The following DCAF6 variants were observed in gnomAD, a reference collection of about 807,000 sequenced individuals.
The protein encoded by DCAF6 is DDB1 and CUL4 associated factor 6, also known as DDB1- and CUL4-associated factor 6.
In DCAF6, 54 loss-of-function variants were observed where a neutral mutation model predicts 125.1. That is an observed-to-expected ratio of 0.43 (90% CI 0.35 to 0.54). DCAF6 has a LOEUF of 0.54. Ranked by LOEUF, DCAF6 falls within the 20% of genes least tolerant of loss-of-function variation. The pLI is 0.01. For synonymous variants in DCAF6, 371 were observed against 390.4 expected (o/e 0.95, Z 0.58); for missense variants, 934 against 1,161.7 (o/e 0.80, Z 2.85).
rs926019074 is a variant in DCAF6, at chr1:167,993,080, G to A, written c.689-146G>A. ...TTTTGTTACAAAATCTGACTGCAGA[G>A]GAAGAACCTCTACTGGAAATAAACG... On this transcript the variant is annotated intron_variant, in intron 6 of 21. Coordinates refer to ENST00000367840, the MANE Select transcript of DCAF6 (RefSeq NM_001198956.2). The A allele has an allele frequency of 4.7e-5, 34 of 726,768 alleles. No individual in the cohort carries two copies. In the African/African-American group the frequency reaches 5.5e-4, roughly 12 times the overall value. The allele number at this position is 726,768 out of a possible 1,614,324, so 45.0% of individuals were successfully genotyped here. A position where few individuals can be genotyped will look rare whatever the true frequency, so the allele number is the denominator to read the frequency against.
chr1:167,866,093 G>C, the DCAF6 span, among the ~76,000 whole-genome samples: 4 of 152,186 alleles, frequency 2.6e-5, no homozygotes, highest in Non-Finnish European at 5.9e-5. Flanking sequence ...CAATCAGTCA[G>C]CCCTTGTTCA....
At chr1:168,042,010 T>G (rs1202601662) in intron 13 of DCAF6, among the ~76,000 whole-genome samples, 1 of 151,752 alleles carries the variant, frequency 6.6e-6, no homozygotes, top group Non-Finnish European at 1.5e-5. Flanking sequence ...CTTCCTGACA[T>G]TTTTCTCTGC....
the DCAF6 span, chr1:167,901,511 A>C: frequency 1.2e-6 from 1 of 845,396 alleles, no homozygotes. Context: ...GGAAGCCAAA[A>C]TTCACATTCT....
chr1:167,927,901 T>A, the DCAF6 span, among the ~76,000 whole-genome samples: 1 of 152,218 alleles, frequency 6.6e-6, no homozygotes, highest in Admixed American at 6.5e-5. Context: ...AATTTTAGTT[T>A]AACAACTGCT....
intron 7 of DCAF6, among the ~76,000 whole-genome samples, chr1:167,999,234 A>C (rs1048070339): frequency 6.6e-6 from 1 of 152,156 alleles, no homozygotes. Context: ...TGGGCTTCAA[A>C]TAGTCAGTAA....
intron 10 of DCAF6, among the ~76,000 whole-genome samples, chr1:168,008,238 G>A (rs1300743091): frequency 6.6e-6 from 1 of 151,914 alleles, no homozygotes; most frequent in Non-Finnish European, 1.5e-5. Flanking sequence ...CAAAATGCTG[G>A]GATTACAGGC....
At chr1:167,987,018 A>G (rs1202477703) in intron 4 of DCAF6, among the ~76,000 whole-genome samples, 1 of 152,220 alleles carries the variant, frequency 6.6e-6, no homozygotes, top group African/African-American at 2.4e-5. Flanking sequence ...TTGTATAACC[A>G]TTACCACAAT....
chr1:167,873,140 T>TTAGGATTGC, the DCAF6 span, among the ~76,000 whole-genome samples: 3 of 152,112 alleles, frequency 2.0e-5, no homozygotes, highest in Non-Finnish European at 4.4e-5. Flanking sequence ...TGCAATCTTG[T>TTAGGATTGC]AGAAAGAAGG....
chr1:168,051,120 G>T (rs1341483841), intron 17 of DCAF6, among the ~76,000 whole-genome samples, 187 bp downstream of exon 17: 1 of 152,192 alleles, frequency 6.6e-6, no homozygotes, highest in Admixed American at 6.5e-5. Flanking sequence ...ACTGCATGGG[G>T]ATAGAATGAA....
At chr1:167,951,756 A>T in intron 1 of DCAF6, 44 bp from the exon 2 acceptor site, 1 of 1,256,392 alleles carries the variant, frequency 8.0e-7, no homozygotes. Flanking sequence ...TATTTTTCTC[A>T]GTATTTGTGT....
At chr1:167,984,632 A>G (rs1679675915) in intron 4 of DCAF6, among the ~76,000 whole-genome samples, 1 of 152,198 alleles carries the variant, frequency 6.6e-6, no homozygotes, top group Admixed American at 6.5e-5. Context: ...TGCTGACTTG[A>G]TTAGATGGAA....
At chr1:167,924,487 C>G in the DCAF6 span, 2 of 1,590,698 alleles carry the variant, frequency 1.3e-6, no homozygotes, top group Non-Finnish European at 1.7e-6. Flanking sequence ...CGTAAAAACT[C>G]AAGACTTACC....
At chr1:167,937,746 A>G (rs529831750) in intron 1 of DCAF6, among the ~76,000 whole-genome samples, 2 of 149,790 alleles carry the variant, frequency 1.3e-5, no homozygotes, top group South Asian at 4.2e-4. Context: ...TTTGCATAAC[A>G]TTTTTTTTTT....
At chr1:168,053,222 C>G (rs916533932) in intron 17 of DCAF6, among the ~76,000 whole-genome samples, 1 of 152,122 alleles carries the variant, frequency 6.6e-6, no homozygotes. Flanking sequence ...CTACCTATCA[C>G]AGTGCATTGT....
chr1:167,957,991 T>C (rs1269773871), intron 2 of DCAF6, among the ~76,000 whole-genome samples: 1 of 152,124 alleles, frequency 6.6e-6, no homozygotes, highest in Non-Finnish European at 1.5e-5. Flanking sequence ...ATTGGATTGT[T>C]TGTCTTTTTG....
chr1:167,941,262 A>G (rs927854973), intron 1 of DCAF6, among the ~76,000 whole-genome samples: 2 of 152,144 alleles, frequency 1.3e-5, no homozygotes, highest in East Asian at 1.9e-4. Flanking sequence ...ATATACTGAT[A>G]ATTCCTTAAG....
upstream of DCAF6, among the ~76,000 whole-genome samples, chr1:167,931,480 AGTT>A (rs1209970148): frequency 6.6e-6 from 1 of 152,024 alleles, no homozygotes; most frequent in Non-Finnish European, 1.5e-5. Flanking sequence ...ACTTTAAATA[AGTT>A]ATTACTTTAA....
At chr1:167,877,443 C>G in the DCAF6 span, among the ~76,000 whole-genome samples, 1 of 151,872 alleles carries the variant, frequency 6.6e-6, no homozygotes, top group Non-Finnish European at 1.5e-5. Context: ...AGCCCTGGTT[C>G]TGTTATCTGA....
chr1:167,906,046 T>G, the DCAF6 span, among the ~76,000 whole-genome samples: 1 of 152,194 alleles, frequency 6.6e-6, no homozygotes, highest in African/African-American at 2.4e-5. Context: ...ACTGTTATTT[T>G]TGGTTTAATT....
Sources: allele counts gnomAD v4.1 joint callset (sites outside exome capture counted in the v4.1 genomes callset), GRCh38; gene constraint gnomAD v4.1.1; transcripts MANE v1.5; gene names NCBI Gene and HGNC (gene_info 2026-07-23, HGNC 2026-07-21).